Variants in MAP1S observed in about 807,000 individuals in gnomAD.
The protein encoded by MAP1S is microtubule associated protein 1S, also known as microtubule-associated protein 1S.
MAP1S carries 27 observed loss-of-function variants against 60.9 expected under a neutral mutation model. The observed-to-expected ratio is 0.44, with a 90% confidence interval of 0.33 to 0.61. The LOEUF (loss-of-function observed/expected upper bound fraction) is 0.61. MAP1S is among the 20% of genes least tolerant of loss of function. The pLI, the probability that MAP1S is intolerant of heterozygous loss-of-function variation, is 0.03. For missense variants in MAP1S, 1,608 were observed against 1,486.6 expected, an observed-to-expected ratio of 1.08 and a Z score of -1.34; for synonymous variants, 826 against 694.2, an observed-to-expected ratio of 1.19 and a Z score of -2.98.
At chr19:17,720,388 G>T (rs758993822) in intron 1 of MAP1S, 1 of 1,534,936 alleles carries the variant, frequency 6.5e-7, no homozygotes, top group South Asian at 1.2e-5. Flanking sequence ...TGGACACAGG[G>T]ATATGGCCGG....
Position 17,733,974 on chromosome 19 carries a change from A to C in MAP1S, c.3025-299A>C, listed in dbSNP as rs1252359183. 4.6e-5 allele frequency among the ~76,000 whole-genome samples: 7 copies of C among 152,310 alleles called. No individual in the cohort carries two copies. The South Asian group carries it at 1.4e-3, about 32-fold the overall frequency. On this transcript the variant is annotated intron_variant, in intron 6 of 6. Coordinates refer to ENST00000324096, the MANE Select transcript of MAP1S (RefSeq NM_018174.6). The stretch of plus-strand genomic sequence containing the variant: ...AAAGAGGTTGGTGTGTTCAAGGAGC[A>C]GGGGGAGATCCAAGTGAGTAGAGAG...
rs749647838 is a variant in MAP1S, at chr19:17,733,408, C to T, written c.3004C>T (p.His1002Tyr). The T allele has an allele frequency of 6.2e-7, 1 of 1,605,292 alleles. No homozygotes were observed. The highest frequency in any genetic ancestry group is 1.7e-5 in the Admixed American group (1 of 59,118). ...VLDALLASKQ[H>Y]WDRDLQVTLI... is the part of the protein sequence containing the mutation. The stretch of plus-strand genomic sequence containing the variant: ...GGACGCGCTACTGGCCAGCAAGCAG[C>T]ATTGGGACCGTGACCTGCAGGTGCG... Residue 1002 changes from histidine to tyrosine, a missense_variant, in exon 6 of 7, where the codon CAT becomes TAT. Physicochemically the swap from His to Tyr is moderately conservative, Grantham distance 83. Coordinates refer to ENST00000324096, the MANE Select transcript of MAP1S (RefSeq NM_018174.6).
intron 1 of MAP1S, 170 bp from the exon 2 acceptor site, chr19:17,720,766 C>T: frequency 1.5e-6 from 1 of 661,048 alleles, no homozygotes; most frequent in Non-Finnish European, 2.7e-6. Context: ...TCTGGGTCCC[C>T]TGGCTCAGCT....
At chr19:17,724,998 G>A (rs1407690596) in intron 3 of MAP1S, 51 bp from the exon 4 acceptor site, 1 of 1,610,118 alleles carries the variant, frequency 6.2e-7, no homozygotes, top group African/African-American at 1.3e-5. Flanking sequence ...GAGGACTGCT[G>A]GATACGTCAC....
Position 17,727,497 on chromosome 19 carries a change from G to A in MAP1S, c.2113G>A (p.Val705Met), listed in dbSNP as rs895384233. ...GTCCCTGTCGGTGTCCTTTGAGCAG[G>A]TGCTGCCGCCATCCGCCCCCACCAG... is the stretch of plus-strand genomic sequence containing the variant. ...DESLSVSFEQ[V>M]LPPSAPTSEA... The change falls in exon 5 of 7, where the codon GTG becomes ATG. Residue 705 changes from valine (V) to methionine (M), a missense_variant. Transcript: ENST00000324096. This position sits in a 1 kb window ranked among gnomAD's most constrained non-coding sequence, Gnocchi z 4.1. 1 of 1,610,908 alleles carries A rather than the reference G, an allele frequency of 6.2e-7. No individual in the cohort carries two copies. Among genetic ancestry groups the A allele is most frequent in the Non-Finnish European group, 8.5e-7 (1 of 1,179,292 alleles).
At chr19:17,733,564 T>G in intron 6 of MAP1S, 136 bp downstream of exon 6, 1 of 699,862 alleles carries the variant, frequency 1.4e-6, no homozygotes, top group Non-Finnish European at 2.3e-6. Context: ...CTCACATGGC[T>G]CAGCCCTTAG....
Position 17,728,151 on chromosome 19 carries a change from A to T in MAP1S, c.2767A>T (p.Thr923Ser). Residue 923 changes from threonine to serine, a missense_variant, in exon 5 of 7, where the codon ACT (threonine) becomes TCT (serine). Around this residue, in one of 4 missense-constraint regions of MAP1S, gnomAD observed 1,167 missense variants for 961.4 expected, o/e 1.21. Coordinates refer to ENST00000324096, the MANE Select transcript of MAP1S (RefSeq NM_018174.6). Reference sequence around the variant, plus strand: ...GTCCAGAAAGTCCTCAACCCCCAAGACTGCCACTCGAGGCCCGTCGGGTGA... The same window carrying T: ...GTCCAGAAAGTCCTCAACCCCCAAGTCTGCCACTCGAGGCCCGTCGGGTGA... Reference protein sequence around the residue: ...PLSRKSSTPKTATRGPSGSAS... With the variant: ...PLSRKSSTPKSATRGPSGSAS... 6.3e-7 allele frequency: 1 copy of T among 1,596,904 alleles called. No homozygotes were observed. Among genetic ancestry groups the T allele is most frequent in the Non-Finnish European group, 8.6e-7 (1 of 1,169,068 alleles).
At position 17,727,150 on chromosome 19, in the gene MAP1S, G is replaced by C. The variant is rs565213766; in HGVS notation, c.1766G>C (p.Gly589Ala). The change falls in exon 5 of 7, where the codon GGA becomes GCA. Residue 589 changes from glycine (G) to alanine (A), a missense_variant. Gly to Ala is a moderately conservative substitution (Grantham distance 60). This residue lies in a region of MAP1S where 1,167 missense variants were observed against 961.4 expected (regional missense o/e 1.21). Coordinates refer to ENST00000324096, the MANE Select transcript of MAP1S (RefSeq NM_018174.6). This position sits in a 1 kb window ranked among gnomAD's most constrained non-coding sequence, Gnocchi z 4.1. ...GPRSPPSLRCGEASPPSAACG... is the reference protein window; with the variant it reads ...GPRSPPSLRCAEASPPSAACG... ...CGCAGCCCGCCCAGCCTCCGATGTG[G>C]AGAAGCCAGCCCCCCCAGTGCAGCC... 3 of 1,589,708 alleles carry C rather than the reference G, an allele frequency of 1.9e-6. No individual in the cohort carries two copies. The highest frequency in any genetic ancestry group is 2.3e-5 in the South Asian group (2 of 88,428).
At chr19:17,731,344 G>T (rs1031016216) in intron 5 of MAP1S, among the ~76,000 whole-genome samples, 2 of 152,170 alleles carry the variant, frequency 1.3e-5, no homozygotes, top group Admixed American at 6.6e-5. Flanking sequence ...AGCTTTCCCA[G>T]CACCATTTGT....
rs1045133637 is a variant in MAP1S at position 17,726,889 on chromosome 19, C to T, written c.1505C>T (p.Ala502Val). 1 of 1,557,978 alleles carries T rather than the reference C, an allele frequency of 6.4e-7. No individual in the cohort carries two copies. Residue 502 changes from alanine (A) to valine (V), a missense_variant, in exon 5 of 7, where the codon GCC becomes GTC. Transcript: ENST00000324096. ...CCTGGCCAGGAGCGCCCTGGGGTGG[C>T]CCGCAAGGAGCCAGCACGGGCTGAG... ...PRPGQERPGV[A>V]RKEPARAEAP...
intron 5 of MAP1S, among the ~76,000 whole-genome samples, chr19:17,730,804 A>G (rs757517706): frequency 1.7e-4 from 25 of 151,170 alleles, no homozygotes; most frequent in Non-Finnish European, 4.4e-5. Flanking sequence ...CATGAAGTCC[A>G]TTTTGTCTAT....
rs929401342 is a variant in MAP1S, at chr19:17,719,522, C to G, written c.20C>G (p.Ser7Cys). 1.4e-5 allele frequency: 18 copies of G among 1,245,740 alleles called. No individual in the cohort carries two copies. Among genetic ancestry groups the G allele is most frequent in the South Asian group, 4.1e-5 (1 of 24,352 alleles). The allele number at this position is 1,245,740 out of a possible 1,614,324, so 77.2% of individuals were successfully genotyped here. A position where few individuals can be genotyped will look rare whatever the true frequency, so the allele number is the denominator to read the frequency against. The change falls in exon 1 of 7, where the codon TCT becomes TGT. Residue 7 changes from serine (S) to cysteine (C), a missense_variant. Ser to Cys is a moderately radical substitution (Grantham distance 112, BLOSUM62 -1). Around this residue, in one of 4 missense-constraint regions of MAP1S, gnomAD observed 45 missense variants for 22.0 expected, o/e 2.04. Transcript: ENST00000324096. ...CCGAAGATGGCGGCGGTGGCTGGAT[C>G]TGGGGCTGCCGCGGCTCCGAGCTCA... is the stretch of plus-strand genomic sequence containing the variant. MAAVAG[S>C]GAAAAPSSLL...
chr19:17,734,209 A>AG, intron 6 of MAP1S, 64 bp from the exon 7 acceptor site: 1 of 1,428,828 alleles, frequency 7.0e-7, no homozygotes, highest in Non-Finnish European at 9.7e-7. Flanking sequence ...CCAGGCCAGA[A>AG]GGGCAGGGGG....
At position 17,726,435 on chromosome 19, in the gene MAP1S, G is replaced by T; in HGVS notation, c.1051G>T (p.Gly351Cys). 6.4e-7 allele frequency: 1 copy of T among 1,561,124 alleles called. No individual in the cohort carries two copies. The highest frequency in any genetic ancestry group is 2.3e-5 in the East Asian group (1 of 42,748). Residue 351 changes from glycine (G) to cysteine (C), a missense_variant, in exon 5 of 7, where the codon GGC becomes TGC. Transcript: ENST00000324096. ...CGAGGCCGCGTCGCGGCTGGCGCGC[G>T]GCGAGGATGAGGCGGAGCTGGCGCT... is the stretch of plus-strand genomic sequence containing the variant. ...ACEAASRLARGEDEAELALSL... is the reference protein window; with the variant it reads ...ACEAASRLARCEDEAELALSL...
rs781444865 is a variant in MAP1S, at chr19:17,734,259, C to G, written c.3025-14C>G. The G allele has an allele frequency of 5.0e-6, 8 of 1,606,990 alleles. No individual in the cohort carries two copies. Among genetic ancestry groups the G allele is most frequent in the Non-Finnish European group, 6.8e-6 (8 of 1,174,962 alleles). On this transcript the variant is annotated splice_polypyrimidine_tract_variant and intron_variant, in intron 6 of 6. Coordinates refer to ENST00000324096, the MANE Select transcript of MAP1S (RefSeq NM_018174.6). The stretch of plus-strand genomic sequence containing the variant: ...GTGGTCCACTCTCCCCACACACCCC[C>G]CCTCCACCTGCAGGTGACCCTGATC...
At position 17,734,438 on chromosome 19, in the gene MAP1S, C is replaced by A; in HGVS notation, c.*10C>A. The A allele has an allele frequency of 6.2e-7, 1 of 1,600,178 alleles. No homozygotes were observed. The highest frequency in any genetic ancestry group is 8.5e-7 in the Non-Finnish European group (1 of 1,172,598). Reference sequence around the variant, plus strand: ...CAAGGTGGAGTTCTAGCCCCATCGCCGACACGCCCCCCACTCAGCCCAGCC... The same window carrying A: ...CAAGGTGGAGTTCTAGCCCCATCGCAGACACGCCCCCCACTCAGCCCAGCC... On this transcript the variant is annotated 3_prime_UTR_variant, in exon 7 of 7. Coordinates refer to ENST00000324096, the MANE Select transcript of MAP1S (RefSeq NM_018174.6).
chr19:17,726,502 G>C lies in MAP1S; in HGVS notation c.1118G>C (p.Ser373Thr). 1.3e-6 allele frequency: 2 copies of C among 1,550,788 alleles called. No homozygotes were observed. The highest frequency in any genetic ancestry group is 1.2e-5 in the South Asian group (1 of 84,944). The change falls in exon 5 of 7, where the codon AGC becomes ACC. Residue 373 changes from serine to threonine, a missense_variant. By Grantham distance (58) the Ser-to-Thr change is moderately conservative. Coordinates refer to ENST00000324096, the MANE Select transcript of MAP1S (RefSeq NM_018174.6). ...CTGGGCATCACGCCTCTGCCACTCA[G>C]CCGCGGCCCCGTGCCAGCCAAACCC... Reference protein sequence around the residue: ...AQLGITPLPLSRGPVPAKPTV... With the variant: ...AQLGITPLPLTRGPVPAKPTV...
intron 5 of MAP1S, chr19:17,728,602 C>T (rs938712373): frequency 6.4e-6 from 1 of 156,818 alleles, no homozygotes; most frequent in African/African-American, 2.4e-5. Context: ...GTTGCCCAGG[C>T]AAGAATGCAA....
In MAP1S at chr19:17,726,364, G is replaced by T; in HGVS notation, c.980G>T (p.Arg327Leu). The T allele has an allele frequency of 6.3e-7, 1 of 1,597,498 alleles. No individual in the cohort carries two copies. Among genetic ancestry groups the T allele is most frequent in the South Asian group, 1.1e-5 (1 of 90,258 alleles). Residue 327 changes from arginine (R) to leucine (L), a missense_variant, in exon 5 of 7, where the codon CGC (arginine) becomes CTC (leucine). Physicochemically the swap from Arg to Leu is moderately radical, Grantham distance 102. Transcript: ENST00000324096. ...AGGGSWDDRL[R>L]RLISPNLGVV... ...GGGGGCTCCTGGGACGACAGGCTGC[G>T]CAGGCTCATCTCCCCCAACCTGGGG... is the stretch of plus-strand genomic sequence containing the variant.
Sources: gnomAD v4.1 joint callset for allele counts (sites outside exome capture counted in the v4.1 genomes callset) on GRCh38, gnomAD v4.1.1 for gene constraint, gnomAD v4.1.1 regional missense constraint, Gnocchi (gnomAD v3.1) non-coding constraint, MANE v1.5 for transcripts, NCBI Gene and HGNC (gene_info 2026-07-23, HGNC 2026-07-21) for gene names.